Variants in CTNNA3 observed in about 807,000 individuals in gnomAD.
The protein encoded by CTNNA3 is catenin alpha-3.
A neutral mutation model predicts 95.7 loss-of-function variants in CTNNA3; 76 were observed. That is an observed-to-expected ratio of 0.79 (90% CI 0.66 to 0.96). The LOEUF (loss-of-function observed/expected upper bound fraction) is 0.96, where lower values mean the gene tolerates loss of function less well. CTNNA3 is among the 40% of genes least tolerant of loss of function. The probability of loss-of-function intolerance (pLI) is 0.00; values close to 1 mark genes in which losing one functional copy is unlikely to be tolerated. For synonymous variants in CTNNA3, 431 were observed against 374.4 expected, an observed-to-expected ratio of 1.15 and a Z score of -1.74; for missense variants, 1,191 against 1,089.8, an observed-to-expected ratio of 1.09 and a Z score of -1.31.
intron 3 of CTNNA3, among the ~76,000 whole-genome samples, chr10:67,560,041 G>C (rs1472552426): frequency 6.6e-6 from 1 of 152,076 alleles, no homozygotes; most frequent in Non-Finnish European, 1.5e-5. Context: ...GGGGAGAATG[G>C]AACCAAGTTG....
intron 5 of CTNNA3, among the ~76,000 whole-genome samples, chr10:67,268,796 C>A (rs1403028656): frequency 2.0e-5 from 3 of 152,086 alleles, no homozygotes; most frequent in African/African-American, 7.2e-5. Flanking sequence ...ATTGTATATG[C>A]AAATGACATT....
intron 11 of CTNNA3, among the ~76,000 whole-genome samples, chr10:66,484,590 A>C (rs1329433951): frequency 6.6e-6 from 1 of 152,094 alleles, no homozygotes; most frequent in Non-Finnish European, 1.5e-5. Flanking sequence ...TGGTTCAAGA[A>C]TAACCCTTAC....
At chr10:67,714,685 G>T (rs1041230976) in intron 1 of CTNNA3, among the ~76,000 whole-genome samples, 2 of 152,316 alleles carry the variant, frequency 1.3e-5, no homozygotes, top group East Asian at 1.9e-4. Flanking sequence ...CATGAGGTTT[G>T]AGAGGGGCCA....
At chr10:66,650,936 C>G (rs865809347) in intron 9 of CTNNA3, among the ~76,000 whole-genome samples, 4 of 152,172 alleles carry the variant, frequency 2.6e-5, no homozygotes, top group Admixed American at 2.0e-4. Flanking sequence ...ACGTTGCCAC[C>G]GCTGGCTCGG....
intron 10 of CTNNA3, among the ~76,000 whole-genome samples, chr10:66,534,993 A>G (rs1400886435): frequency 1.3e-5 from 2 of 152,066 alleles, no homozygotes; most frequent in Admixed American, 6.6e-5. Flanking sequence ...AAAAATTGCT[A>G]ATGTTTATTT....
At chr10:66,593,024 C>T (rs1843603143) in intron 10 of CTNNA3, among the ~76,000 whole-genome samples, 2 of 152,072 alleles carry the variant, frequency 1.3e-5, no homozygotes, top group South Asian at 4.1e-4. Context: ...AGAATCATGC[C>T]ACTAAGAAAT....
At chr10:66,940,427 T>C (rs1721879516) in intron 7 of CTNNA3, among the ~76,000 whole-genome samples, 1 of 152,124 alleles carries the variant, frequency 6.6e-6, no homozygotes, top group Non-Finnish European at 1.5e-5. Flanking sequence ...TGAGCAACGA[T>C]TGCACCACTG....
intron 7 of CTNNA3, among the ~76,000 whole-genome samples, chr10:67,120,180 T>C (rs1859390347): frequency 6.6e-6 from 1 of 151,934 alleles, no homozygotes; most frequent in Non-Finnish European, 1.5e-5. Flanking sequence ...GAATTCCAGT[T>C]TTTAAATGTC....
At chr10:66,462,050 T>C (rs1452567042) in intron 11 of CTNNA3, among the ~76,000 whole-genome samples, 1 of 152,008 alleles carries the variant, frequency 6.6e-6, no homozygotes, top group African/African-American at 2.4e-5. Flanking sequence ...TACCTTGTGA[T>C]CCACCCACCT....
chr10:66,276,042 A>T (rs2091389471), intron 13 of CTNNA3, among the ~76,000 whole-genome samples: 1 of 152,204 alleles, frequency 6.6e-6, no homozygotes, highest in Non-Finnish European at 1.5e-5. Context: ...TAAATGATTC[A>T]TGTAAAAACA....
chr10:67,279,128 A>C (rs1459092805), intron 5 of CTNNA3, among the ~76,000 whole-genome samples: 1 of 152,174 alleles, frequency 6.6e-6, no homozygotes, highest in Non-Finnish European at 1.5e-5. Context: ...ATACTAAATA[A>C]GTGACATTTA....
intron 11 of CTNNA3, among the ~76,000 whole-genome samples, chr10:66,482,739 G>A (rs906127966): frequency 3.3e-5 from 5 of 151,960 alleles, no homozygotes; most frequent in African/African-American, 7.3e-5. Context: ...AGTTTGTTTT[G>A]TTTTGTTTTG....
At chr10:66,913,231 T>C (rs1846303747) in intron 7 of CTNNA3, among the ~76,000 whole-genome samples, 1 of 70,736 alleles carries the variant, frequency 1.4e-5, no homozygotes, top group African/African-American at 5.8e-5. Flanking sequence ...AGAGCGAGAC[T>C]CCGTCTCAAA....
intron 12 of CTNNA3, among the ~76,000 whole-genome samples, chr10:66,315,234 C>T (rs1367796767): frequency 3.9e-5 from 6 of 151,954 alleles, no homozygotes; most frequent in South Asian, 2.1e-4. Context: ...CCAGTTCTAA[C>T]GCCACAATCC....
At chr10:66,849,262 A>G (rs932969736) in intron 7 of CTNNA3, among the ~76,000 whole-genome samples, 5 of 152,228 alleles carry the variant, frequency 3.3e-5, no homozygotes, top group African/African-American at 1.2e-4. Context: ...CTGAGAAATA[A>G]TCAGGCTGAC....
rs1339220614 is a variant in CTNNA3 at position 65,970,839 on chromosome 10, G to A, written c.2266-4093C>T. Among the ~76,000 whole-genome samples the A allele has an allele frequency of 2.6e-5, 4 of 151,266 alleles. No homozygotes were observed. In the East Asian group the frequency reaches 7.8e-4, roughly 29 times the overall value. On this transcript the variant is annotated intron_variant, in intron 16 of 17. Coordinates refer to ENST00000433211, the MANE Select transcript of CTNNA3 (RefSeq NM_013266.4). Reference sequence around the variant, plus strand: ...AAAAAGTCTTAACTATCCTAAATATGTATGTACCCAACACTGAAGCATCTG... The same window carrying A: ...AAAAAGTCTTAACTATCCTAAATATATATGTACCCAACACTGAAGCATCTG...
chr10:65,954,597 C>G (rs1210785665), intron 17 of CTNNA3, among the ~76,000 whole-genome samples: 1 of 152,190 alleles, frequency 6.6e-6, no homozygotes, highest in Non-Finnish European at 1.5e-5. Context: ...TTTCAGCTTT[C>G]TACATATAAC....
chr10:66,928,125 G>A, intron 7 of CTNNA3: 2 of 1,613,944 alleles, frequency 1.2e-6, no homozygotes, highest in African/African-American at 1.3e-5. Context: ...GAGCCACAGA[G>A]CCCGGCCCAG....
chr10:67,269,957 T>C (rs960723887), intron 5 of CTNNA3, among the ~76,000 whole-genome samples: 7 of 152,152 alleles, frequency 4.6e-5, no homozygotes, highest in Non-Finnish European at 7.4e-5. Flanking sequence ...AAAAATATCT[T>C]ATGCCTTTGA....
Sources: allele counts gnomAD v4.1 joint callset (sites outside exome capture counted in the v4.1 genomes callset), GRCh38; gene constraint gnomAD v4.1.1; transcripts MANE v1.5; gene names NCBI Gene and HGNC (gene_info 2026-07-23, HGNC 2026-07-21).